Variants in POU6F2 observed in about 807,000 individuals in gnomAD.
POU6F2 encodes the protein POU class 6 homeobox 2.
Under a neutral mutation model 71.3 loss-of-function variants are expected in POU6F2, and 31 were observed. The observed-to-expected ratio is 0.43, with a 90% CI of 0.33 to 0.59. The LOEUF (loss-of-function observed/expected upper bound fraction) is 0.59. Ranked by LOEUF, POU6F2 falls within the 20% of genes least tolerant of loss-of-function variation. POU6F2 has a pLI of 0.04. For missense variants in POU6F2, 783 were observed against 856.8 expected (o/e 0.91, Z 1.07); for synonymous variants, 347 against 355.7 (o/e 0.98, Z 0.27).
chr7:39,011,664 G>A (rs1400035190), intron 1 of POU6F2, among the ~76,000 whole-genome samples: 3 of 150,856 alleles, frequency 2.0e-5, no homozygotes, highest in Non-Finnish European at 4.4e-5. Flanking sequence ...GCTGGTACCG[G>A]TTGTTCCTTT....
At chr7:39,200,865 A>G (rs1361206609) in intron 2 of POU6F2, among the ~76,000 whole-genome samples, 2 of 151,888 alleles carry the variant, frequency 1.3e-5, no homozygotes, top group East Asian at 1.9e-4. Context: ...AAAAAAGAAA[A>G]AAAAAGAAAA....
intron 4 of POU6F2, among the ~76,000 whole-genome samples, chr7:39,217,246 A>G (rs1245441161): frequency 6.6e-6 from 1 of 150,518 alleles, no homozygotes; most frequent in Non-Finnish European, 1.5e-5. Flanking sequence ...CTATGCATTC[A>G]TTATGTATGA....
At position 39,015,988 on chromosome 7, in the gene POU6F2, T is replaced by TAAA. The variant is rs1449146824; in HGVS notation, c.105+37931_105+37932insAAA. Reference sequence around the variant, plus strand: ...TTGATATATATTATATATAGATATATATAATATATAGATATATATTATATA... The same window carrying TAAA: ...TTGATATATATTATATATAGATATATAAAATAATATATAGATATATATTATATA... On this transcript the variant is annotated intron_variant, in intron 1 of 9. Coordinates refer to ENST00000518318, the MANE Select transcript of POU6F2 (RefSeq NM_001370959.1). Among the ~76,000 whole-genome samples, 22 of 15,410 alleles carry TAAA rather than the reference T, an allele frequency of 1.4e-3. 1 individual carries two copies. The highest frequency in any genetic ancestry group is 7.1e-3 in the South Asian group (2 of 280). The allele number at this position is 15,410 out of a possible 152,430, so 10.1% of individuals were successfully genotyped here.
intron 4 of POU6F2, among the ~76,000 whole-genome samples, chr7:39,320,875 T>A (rs1785375002): frequency 6.6e-6 from 1 of 152,018 alleles, no homozygotes; most frequent in Non-Finnish European, 1.5e-5. Flanking sequence ...GCCAACATAG[T>A]GAGACCCCAT....
chr7:38,992,006 C>T (rs905278370), intron 1 of POU6F2, among the ~76,000 whole-genome samples: 2 of 152,060 alleles, frequency 1.3e-5, no homozygotes, highest in Non-Finnish European at 2.9e-5. Flanking sequence ...TGCTAGAGAC[C>T]ACACAGGTTG....
At chr7:39,079,419 C>T (rs904134361) in intron 1 of POU6F2, among the ~76,000 whole-genome samples, 2 of 151,932 alleles carry the variant, frequency 1.3e-5, no homozygotes, top group African/African-American at 2.4e-5. Context: ...CCTTCTGATC[C>T]GCCCGCCTAG....
intron 1 of POU6F2, among the ~76,000 whole-genome samples, chr7:39,031,660 A>C (rs942253495): frequency 2.6e-5 from 4 of 152,122 alleles, no homozygotes; most frequent in African/African-American, 7.2e-5. Flanking sequence ...AAGTGGGCAT[A>C]TTATTTGACA....
intron 4 of POU6F2, among the ~76,000 whole-genome samples, chr7:39,241,631 G>C (rs2128751404): frequency 6.6e-6 from 1 of 152,274 alleles, no homozygotes; most frequent in Non-Finnish European, 1.5e-5. Context: ...ATGAAGAGAG[G>C]AGAGGTCAGT....
intron 2 of POU6F2, among the ~76,000 whole-genome samples, chr7:39,086,865 C>T (rs558146430): frequency 1.3e-5 from 2 of 152,076 alleles, no homozygotes; most frequent in African/African-American, 4.8e-5. Flanking sequence ...TAATGGATGT[C>T]TCTGCTGGAG....
At chr7:39,113,780 C>A (rs1039043197) in intron 2 of POU6F2, among the ~76,000 whole-genome samples, 1 of 152,102 alleles carries the variant, frequency 6.6e-6, no homozygotes, top group African/African-American at 2.4e-5. Context: ...AATTTGTGAA[C>A]ACATGGAGTT....
chr7:39,383,054 G>T (rs1452902985), intron 5 of POU6F2, among the ~76,000 whole-genome samples: 1 of 152,188 alleles, frequency 6.6e-6, no homozygotes. Context: ...TGCTCCTATT[G>T]TTATTAATAT....
At chr7:39,381,230 A>G (rs1292714902) in intron 5 of POU6F2, among the ~76,000 whole-genome samples, 2 of 150,980 alleles carry the variant, frequency 1.3e-5, no homozygotes, top group Non-Finnish European at 3.0e-5. Context: ...ATGCCCAGCT[A>G]ATTTTTGTTT....
chr7:39,355,375 A>G (rs1020109917), intron 5 of POU6F2, among the ~76,000 whole-genome samples: 14 of 152,206 alleles, frequency 9.2e-5, no homozygotes, highest in Admixed American at 9.2e-4. Context: ...ATGAACATAT[A>G]TAGTTACATG....
intron 4 of POU6F2, among the ~76,000 whole-genome samples, chr7:39,286,356 A>G (rs1784649647): frequency 6.6e-6 from 1 of 152,170 alleles, no homozygotes; most frequent in Admixed American, 6.5e-5. Flanking sequence ...AATCCAAAAT[A>G]ATTTAACTAC....
intron 1 of POU6F2, among the ~76,000 whole-genome samples, chr7:39,028,624 G>A (rs988145262): frequency 3.0e-4 from 46 of 151,738 alleles, no homozygotes; most frequent in African/African-American, 1.1e-3. Context: ...ATAAATTTGG[G>A]AAGAATTAAC....
chr7:39,124,466 T>C (rs1385524044), intron 2 of POU6F2, among the ~76,000 whole-genome samples: 2 of 152,228 alleles, frequency 1.3e-5, no homozygotes, highest in Non-Finnish European at 2.9e-5. Flanking sequence ...TAAATAAGAA[T>C]AACTTCCCAG....
rs1049910062 is a variant in POU6F2 at position 39,035,578 on chromosome 7, C to T, written c.106-50282C>T. 3.3e-5 allele frequency among the ~76,000 whole-genome samples: 5 copies of T among 152,128 alleles called. No homozygotes were observed. In the East Asian group the frequency reaches 5.8e-4, roughly 18 times the overall value. On this transcript the variant is annotated intron_variant, in intron 1 of 9. Transcript: ENST00000518318. Reference sequence around the variant, plus strand: ...TACTTAGGGTAAAACTTCACTTCTTCCTGCGAATCAGGTTTCTAACCTACG... The same window carrying T: ...TACTTAGGGTAAAACTTCACTTCTTTCTGCGAATCAGGTTTCTAACCTACG...
chr7:39,257,402 A>G (rs1784045312), intron 4 of POU6F2, among the ~76,000 whole-genome samples: 1 of 149,850 alleles, frequency 6.7e-6, no homozygotes, highest in South Asian at 2.1e-4. Flanking sequence ...GGGAAAAAAA[A>G]TCTTCTTGTT....
Position 39,058,996 on chromosome 7 carries a change from G to A in POU6F2, c.106-26864G>A, listed in dbSNP as rs78415460. The stretch of plus-strand genomic sequence containing the variant: ...CAACAAGGTAAGAAATAGTCTCAAA[G>A]ACTTGGGAAAATAAAAATGTAAAAA... On this transcript the variant is annotated intron_variant, in intron 1 of 9. Coordinates refer to ENST00000518318, the MANE Select transcript of POU6F2 (RefSeq NM_001370959.1). Among the ~76,000 whole-genome samples the A allele has an allele frequency of 3.3e-5, 5 of 152,180 alleles. No homozygotes were observed. In the East Asian group the frequency reaches 7.7e-4, roughly 23 times the overall value.
Sources: gnomAD v4.1 joint callset for allele counts (sites outside exome capture counted in the v4.1 genomes callset) on GRCh38, gnomAD v4.1.1 for gene constraint, MANE v1.5 for transcripts, NCBI Gene and HGNC (gene_info 2026-07-23, HGNC 2026-07-21) for gene names.